Variants in SMARCAD1 observed in about 807,000 individuals in gnomAD.
SMARCAD1 encodes the protein SWI/SNF-related matrix-associated actin-dependent regulator of chromatin subfamily A containing DEAD/H box 1.
SMARCAD1 carries 25 observed loss-of-function variants against 127.1 expected under a neutral mutation model. That is an observed-to-expected ratio of 0.20 (90% confidence interval 0.14 to 0.27). The LOEUF (loss-of-function observed/expected upper bound fraction) is 0.27, where lower values mean the gene tolerates loss of function less well. Among genes scored for constraint, SMARCAD1 ranks in the 10% least tolerant of loss-of-function variants. The probability of loss-of-function intolerance (pLI) is 1.00; values close to 1 mark genes in which losing one functional copy is unlikely to be tolerated. For synonymous variants in SMARCAD1, 400 were observed against 396.9 expected (o/e 1.01, Z -0.09); for missense variants, 807 against 1,206.0 (o/e 0.67, Z 4.90).
At chr4:94,226,457 A>G (rs961641114) in intron 3 of SMARCAD1, among the ~76,000 whole-genome samples, 161 bp downstream of exon 3, 3 of 117,628 alleles carry the variant, frequency 2.6e-5, no homozygotes, top group African/African-American at 9.9e-5. Flanking sequence ...TATTTTCTCT[A>G]ACTTATAGTC....
intron 1 of SMARCAD1, 93 bp downstream of exon 1, chr4:94,208,163 A>T (rs1278559715): frequency 3.0e-6 from 2 of 676,236 alleles, no homozygotes; most frequent in Non-Finnish European, 2.7e-6. Flanking sequence ...GCAATGGAAA[A>T]TTTTAAAAGA....
intron 3 of SMARCAD1, among the ~76,000 whole-genome samples, chr4:94,231,574 C>T (rs923039212): frequency 6.6e-6 from 1 of 152,098 alleles, no homozygotes; most frequent in East Asian, 1.9e-4. Flanking sequence ...TATTGTGTCA[C>T]CTATTATTAT....
At chr4:94,225,448 A>T (rs186366306) in intron 2 of SMARCAD1, among the ~76,000 whole-genome samples, 8 of 152,284 alleles carry the variant, frequency 5.3e-5, no homozygotes, top group African/African-American at 1.7e-4. Flanking sequence ...TTGAGGGTAC[A>T]ATCTCCAAAT....
intron 23 of SMARCAD1, among the ~76,000 whole-genome samples, chr4:94,286,393 G>T (rs1176101699): frequency 6.6e-6 from 1 of 152,136 alleles, no homozygotes; most frequent in Non-Finnish European, 1.5e-5. Flanking sequence ...CATCTTACCT[G>T]TTCAAGCTGA....
At chr4:94,243,824 T>C (rs10003038) in intron 6 of SMARCAD1, among the ~76,000 whole-genome samples, 21,915 of 152,218 alleles carry the variant, frequency 0.14, 1,806 homozygotes, top group Non-Finnish European at 0.19. Flanking sequence ...TTGTGATCTT[T>C]TCTATTTGAA....
At position 94,207,984 on chromosome 4, in the gene SMARCAD1, G is replaced by A. The variant is rs180781494; in HGVS notation, c.-136G>A. 1.8e-3 allele frequency: 661 copies of A among 376,034 alleles called. 1 individual carries two copies. The highest frequency in any genetic ancestry group is 2.9e-3 in the Non-Finnish European group (549 of 191,784). The allele number at this position is 376,034 out of a possible 1,614,324, so 23.3% of individuals were successfully genotyped here. A position where few individuals can be genotyped will look rare whatever the true frequency, so the allele number is the denominator to read the frequency against. On this transcript the variant is annotated 5_prime_UTR_variant, in exon 1 of 24. Coordinates refer to ENST00000354268, the MANE Select transcript of SMARCAD1 (RefSeq NM_020159.5). ...GGCAGGTCCTTTCTCGAGGCAGGGG[G>A]CACGGTAGCACAGGGAGCTTCTCTT...
At chr4:94,233,114 T>C (rs375233163) in intron 3 of SMARCAD1, among the ~76,000 whole-genome samples, 2 of 152,336 alleles carry the variant, frequency 1.3e-5, no homozygotes, top group South Asian at 4.1e-4. Flanking sequence ...ATTCTAGATA[T>C]GTGTCTAAGA....
At chr4:94,237,435 A>G (rs1314576172) in intron 5 of SMARCAD1, among the ~76,000 whole-genome samples, 2 of 151,912 alleles carry the variant, frequency 1.3e-5, no homozygotes, top group Non-Finnish European at 2.9e-5. Context: ...ATGAGCTTGC[A>G]ATATAGAAGC....
In SMARCAD1 at chr4:94,280,609, G is replaced by A. The variant is rs750814290; in HGVS notation, c.2436G>A (p.Glu812=). The A allele has an allele frequency of 1.5e-5, 24 of 1,613,424 alleles. No homozygotes were observed. The Admixed American group carries it at 3.7e-4, about 25-fold the overall frequency. ...GTTTTAAGGAACCTACACATTGTGAGGCTAACCCTGACCTGATCTTTGAAG... is the reference window on the plus strand; with the variant it reads ...GTTTTAAGGAACCTACACATTGTGAAGCTAACCCTGACCTGATCTTTGAAG... The part of the protein sequence containing the change: ...QLMLKEPTHC[E]ANPDLIFEDM... Residue 812 remains glutamate, a synonymous_variant, in exon 20 of 24, where the codon GAG becomes GAA. Coordinates refer to ENST00000354268, the MANE Select transcript of SMARCAD1 (RefSeq NM_020159.5).
intron 2 of SMARCAD1, among the ~76,000 whole-genome samples, chr4:94,217,098 C>T (rs181431486): frequency 7.2e-5 from 11 of 152,214 alleles, no homozygotes; most frequent in Admixed American, 1.3e-4. Context: ...TTGTTATTTC[C>T]TGTGTTTTTG....
chr4:94,232,588 G>A (rs1746008627), intron 3 of SMARCAD1, among the ~76,000 whole-genome samples: 1 of 152,220 alleles, frequency 6.6e-6, no homozygotes, highest in African/African-American at 2.4e-5. Context: ...AAAGGAAGAG[G>A]TGTATTTGCC....
chr4:94,223,044 G>A (rs2125824873), intron 2 of SMARCAD1, among the ~76,000 whole-genome samples: 1 of 152,138 alleles, frequency 6.6e-6, no homozygotes, highest in East Asian at 1.9e-4. Flanking sequence ...GAAAAACAAA[G>A]AAAAGGTCAA....
chr4:94,246,282 G>A (rs986594409), intron 6 of SMARCAD1, among the ~76,000 whole-genome samples: 1 of 151,976 alleles, frequency 6.6e-6, no homozygotes, highest in African/African-American at 2.4e-5. Flanking sequence ...ACCACGCCTG[G>A]CTAATTTTTT....
chr4:94,287,733 C>T (rs897528948), intron 23 of SMARCAD1, among the ~76,000 whole-genome samples: 15 of 151,902 alleles, frequency 9.9e-5, no homozygotes, highest in African/African-American at 3.1e-4. Context: ...TTTTCATTAA[C>T]TTCCCTTAAT....
chr4:94,224,494 C>T (rs1744690041), intron 2 of SMARCAD1, among the ~76,000 whole-genome samples: 1 of 152,140 alleles, frequency 6.6e-6, no homozygotes, highest in African/African-American at 2.4e-5. Context: ...GTGCGTAAAA[C>T]AAAGTTTTTA....
Position 94,290,797 on chromosome 4 carries a change from T to C in SMARCAD1, c.*1263T>C, listed in dbSNP as rs1437915025. The C allele has an allele frequency of 4.6e-6, 2 of 431,808 alleles. No homozygotes were observed. The highest frequency in any genetic ancestry group is 3.5e-5 in the South Asian group (2 of 57,578). 26.7% of individuals were successfully genotyped at this position (431,808 alleles called of 1,614,324 possible). ...TGTTTTTATTATGTAAATATCATTATAAATAAACTTATTTATAAATCAAAG... is the reference window on the plus strand; with the variant it reads ...TGTTTTTATTATGTAAATATCATTACAAATAAACTTATTTATAAATCAAAG... On this transcript the variant is annotated 3_prime_UTR_variant, in exon 24 of 24. Transcript: ENST00000354268.
intron 3 of SMARCAD1, 139 bp downstream of exon 3, chr4:94,226,435 C>A: frequency 1.7e-6 from 1 of 604,140 alleles, no homozygotes; most frequent in Non-Finnish European, 2.8e-6. Flanking sequence ...CCTTTCTTGG[C>A]CACATCTTGG....
chr4:94,237,719 TG>T, intron 5 of SMARCAD1, among the ~76,000 whole-genome samples: 1 of 152,248 alleles, frequency 6.6e-6, no homozygotes, highest in South Asian at 2.1e-4. Context: ...TATAATAATT[TG>T]TCATGGATAG....
intron 6 of SMARCAD1, among the ~76,000 whole-genome samples, chr4:94,244,422 C>T (rs2125894514): frequency 6.6e-6 from 1 of 152,302 alleles, no homozygotes; most frequent in African/African-American, 2.4e-5. Context: ...GGCAGCTGTG[C>T]ATGGTGTTAA....
Sources: allele counts gnomAD v4.1 joint callset (sites outside exome capture counted in the v4.1 genomes callset), GRCh38; gene constraint gnomAD v4.1.1; transcripts MANE v1.5; gene names NCBI Gene and HGNC (gene_info 2026-07-23, HGNC 2026-07-21).